Variants in PDE8A observed in about 807,000 individuals in gnomAD.
PDE8A encodes phosphodiesterase 8A, also known as high affinity cAMP-specific and IBMX-insensitive 3',5'-cyclic phosphodiesterase 8A.
In PDE8A, 59 loss-of-function variants were observed where a neutral mutation model predicts 105.0. The observed-to-expected ratio is 0.56, with a 90% CI of 0.46 to 0.70. The LOEUF is 0.70. Ranked by LOEUF, PDE8A falls within the 30% of genes least tolerant of loss-of-function variation. The pLI, the probability that PDE8A is intolerant of heterozygous loss-of-function variation, is 0.00. For missense variants in PDE8A, 1,014 were observed against 1,045.9 expected (o/e 0.97, Z 0.42); for synonymous variants, 355 against 371.9 (o/e 0.95, Z 0.52).
chr15:85,049,408 C>G (rs948577478), intron 1 of PDE8A, among the ~76,000 whole-genome samples: 1 of 152,160 alleles, frequency 6.6e-6, no homozygotes, highest in Non-Finnish European at 1.5e-5. Flanking sequence ...TATATTTTGA[C>G]TACTCCAAGT....
intron 17 of PDE8A, among the ~76,000 whole-genome samples, chr15:85,119,636 T>C (rs559982843): frequency 6.9e-4 from 105 of 152,198 alleles, no homozygotes; most frequent in African/African-American, 2.0e-3. Flanking sequence ...AATGATCTTA[T>C]ACTGGGACAT....
intron 1 of PDE8A, among the ~76,000 whole-genome samples, chr15:84,989,335 A>C (rs965397300): frequency 6.6e-6 from 1 of 152,232 alleles, no homozygotes; most frequent in Non-Finnish European, 1.5e-5. Context: ...ATTGGTTGGA[A>C]ATAGACCTTT....
Position 85,060,602 on chromosome 15 carries a change from G to A in PDE8A, c.187-3768G>A, listed in dbSNP as rs1393980517. Among the ~76,000 whole-genome samples, 4 of 152,194 alleles carry A rather than the reference G, an allele frequency of 2.6e-5. No homozygotes were observed. The East Asian group carries it at 7.7e-4, about 29-fold the overall frequency. Reference sequence around the variant, plus strand: ...TCCATAGATTTTCATATATATGGGTGTTCCTGGAACCAATTCCCTGCAGAT... The same window carrying A: ...TCCATAGATTTTCATATATATGGGTATTCCTGGAACCAATTCCCTGCAGAT... On this transcript the variant is annotated intron_variant, in intron 1 of 21. Coordinates refer to ENST00000394553, the MANE Select transcript of PDE8A (RefSeq NM_002605.3).
At chr15:85,091,842 TATG>T (rs1018250170) in intron 8 of PDE8A, among the ~76,000 whole-genome samples, 3 of 151,554 alleles carry the variant, frequency 2.0e-5, no homozygotes, top group African/African-American at 7.3e-5. Context: ...GATTTTAAAA[TATG>T]ATGAGAAGGA....
At chr15:84,994,774 C>T (rs543618185) in intron 1 of PDE8A, among the ~76,000 whole-genome samples, 1 of 152,214 alleles carries the variant, frequency 6.6e-6, no homozygotes, top group African/African-American at 2.4e-5. Flanking sequence ...CAAGACCTGA[C>T]CAACATGGTG....
At chr15:85,023,086 G>T (rs289404) in intron 1 of PDE8A, among the ~76,000 whole-genome samples, 104,607 of 152,004 alleles carry the variant, frequency 0.69, 36,455 homozygotes, top group Non-Finnish European at 0.75. Flanking sequence ...GAAGGGAACA[G>T]TACTGTTTTT....
chr15:85,106,871 A>C (rs2081955305), intron 11 of PDE8A, among the ~76,000 whole-genome samples: 1 of 152,218 alleles, frequency 6.6e-6, no homozygotes, highest in East Asian at 1.9e-4. Flanking sequence ...CTGATTTAAC[A>C]GAACTTTGAT....
chr15:84,981,661 T>C (rs373233650), upstream of PDE8A, among the ~76,000 whole-genome samples: 145 of 151,668 alleles, frequency 9.6e-4, 3 homozygotes, highest in East Asian at 0.024. Context: ...GGCGTGGGTG[T>C]CCACATCTAG....
At chr15:85,114,667 C>T (rs1875745296) in intron 14 of PDE8A, among the ~76,000 whole-genome samples, 1 of 152,110 alleles carries the variant, frequency 6.6e-6, no homozygotes, top group African/African-American at 2.4e-5. Flanking sequence ...CAAAATCCAC[C>T]TCCCTCCCAA....
chr15:85,089,527 A>G (rs970593612), intron 7 of PDE8A, 111 bp downstream of exon 7: 4 of 568,000 alleles, frequency 7.0e-6, no homozygotes, highest in South Asian at 5.2e-5. Context: ...AGTTTAGGAG[A>G]CCAGTTTTTC....
At chr15:85,046,683 A>G (rs2080893078) in intron 1 of PDE8A, among the ~76,000 whole-genome samples, 1 of 152,216 alleles carries the variant, frequency 6.6e-6, no homozygotes, top group African/African-American at 2.4e-5. Flanking sequence ...ATTGGGAGCT[A>G]AGAAATAAAA....
chr15:85,089,179 G>T (rs527704035), intron 6 of PDE8A, among the ~76,000 whole-genome samples, 159 bp from the exon 7 acceptor site: 1 of 152,280 alleles, frequency 6.6e-6, no homozygotes, highest in African/African-American at 2.4e-5. Context: ...GATTCCAGTG[G>T]AGGGGCTTGC....
At chr15:85,069,721 A>G (rs2081284163) in intron 3 of PDE8A, among the ~76,000 whole-genome samples, 1 of 152,190 alleles carries the variant, frequency 6.6e-6, no homozygotes, top group Non-Finnish European at 1.5e-5. Context: ...TGCTAGCCAG[A>G]GAGAGCAGGC....
intron 1 of PDE8A, chr15:85,064,079 C>G: frequency 3.4e-6 from 1 of 291,924 alleles, no homozygotes; most frequent in Non-Finnish European, 6.4e-6. Context: ...GAAGTTGAGG[C>G]TGAGGAAGAT....
Position 85,069,831 on chromosome 15 carries a change from G to T in PDE8A, c.434+2627G>T, listed in dbSNP as rs536760573. ...TTTCTCACAAGCTGTTTTCTACCAC[G>T]TCATCTCCATCTTGTTGGGTGAGGA... On this transcript the variant is annotated intron_variant, in intron 3 of 21. Transcript: ENST00000394553. 3.9e-5 allele frequency among the ~76,000 whole-genome samples: 6 copies of T among 152,260 alleles called. No homozygotes were observed. In the South Asian group the frequency reaches 1.0e-3, roughly 26 times the overall value.
intron 20 of PDE8A, among the ~76,000 whole-genome samples, chr15:85,133,417 G>A (rs2082357342): frequency 6.6e-6 from 1 of 152,112 alleles, no homozygotes; most frequent in African/African-American, 2.4e-5. Context: ...TGCTCCCTCC[G>A]GTTCAAGGGA....
At chr15:85,137,555 C>CTGTTTT (rs1429488585) in intron 21 of PDE8A, among the ~76,000 whole-genome samples, 2 of 152,186 alleles carry the variant, frequency 1.3e-5, no homozygotes, top group African/African-American at 4.8e-5. Context: ...TAGCCACCTT[C>CTGTTTT]TGTTTTATTT....
intron 1 of PDE8A, among the ~76,000 whole-genome samples, chr15:85,003,597 C>T (rs2080100101): frequency 6.6e-6 from 1 of 152,206 alleles, no homozygotes; most frequent in Non-Finnish European, 1.5e-5. Context: ...ATTAATACTA[C>T]TTTTATATGT....
rs150887457 is a variant in PDE8A, at chr15:85,092,535, G to A, written c.852+1354G>A. Among the ~76,000 whole-genome samples the A allele has an allele frequency of 2.3e-4, 35 of 152,228 alleles. 1 individual carries two copies. In the East Asian group the frequency reaches 6.8e-3, roughly 29 times the overall value. On this transcript the variant is annotated intron_variant, in intron 8 of 21. Coordinates refer to ENST00000394553, the MANE Select transcript of PDE8A (RefSeq NM_002605.3). Reference sequence around the variant, plus strand: ...GTCATCCGAGACCACAGCAGCCATGGTGGGGGTGTTACCATGACCACCTCA... The same window carrying A: ...GTCATCCGAGACCACAGCAGCCATGATGGGGGTGTTACCATGACCACCTCA...
Sources: gnomAD v4.1 joint callset for allele counts (sites outside exome capture counted in the v4.1 genomes callset) on GRCh38, gnomAD v4.1.1 for gene constraint, MANE v1.5 for transcripts, NCBI Gene and HGNC (gene_info 2026-07-23, HGNC 2026-07-21) for gene names.